C19orf38: variants seen among roughly 807,000 people sequenced by gnomAD.
The protein encoded by C19orf38 is chromosome 19 open reading frame 38.
Under a neutral mutation model 26.6 loss-of-function variants are expected in C19orf38, and 14 were observed. That is an observed-to-expected ratio of 0.53 (90% CI 0.35 to 0.82). The LOEUF (loss-of-function observed/expected upper bound fraction) is 0.82. Ranked by LOEUF, C19orf38 falls within the 40% of genes least tolerant of loss-of-function variation. The pLI is 0.01. For synonymous variants in C19orf38, 132 were observed against 128.5 expected, an observed-to-expected ratio of 1.03 and a Z score of -0.18; for missense variants, 261 against 299.5, an observed-to-expected ratio of 0.87 and a Z score of 0.95.
upstream of C19orf38, among the ~76,000 whole-genome samples, chr19:10,847,201 T>C (rs2073524948): frequency 6.6e-6 from 1 of 152,124 alleles, no homozygotes; most frequent in African/African-American, 2.4e-5. Flanking sequence ...TCCTGTGAAC[T>C]ATATCACAAA....
upstream of C19orf38, among the ~76,000 whole-genome samples, chr19:10,845,873 C>T (rs1247394574): frequency 6.7e-5 from 9 of 135,292 alleles, no homozygotes; most frequent in East Asian, 4.3e-4. Context: ...AGCAAGACTC[C>T]GTCAAAAAAA....
intron 4 of C19orf38, among the ~76,000 whole-genome samples, chr19:10,859,344 G>A (rs1360797333): frequency 1.0e-4 from 5 of 48,490 alleles, no homozygotes; most frequent in Non-Finnish European, 1.4e-4. Context: ...GTGTGTGTGT[G>A]TGTGTATATA....
rs1433358051 is a variant in C19orf38 at position 10,857,366 on chromosome 19, A to ATATATATAT, written c.434-949_434-948insATATATATT. 2.2e-3 allele frequency among the ~76,000 whole-genome samples: 122 copies of ATATATATAT among 56,076 alleles called. 1 individual carries two copies. The highest frequency in any genetic ancestry group is 9.8e-3 in the African/African-American group (57 of 5,820). 36.8% of individuals were successfully genotyped at this position (56,076 alleles called of 152,430 possible). ...TATATATATATATATATATATATAT[A>ATATATATAT]TTTTTTTTTTTTTTTTTTTAAGATG... On this transcript the variant is annotated intron_variant, in intron 3 of 6. Transcript: ENST00000397820.
chr19:10,841,694 C>G, intron 1 of C19orf38: 1 of 606,954 alleles, frequency 1.6e-6, no homozygotes, highest in South Asian at 2.0e-5. Flanking sequence ...CTGTCAAAGC[C>G]AGGTGGAGTG....
intron 5 of C19orf38, among the ~76,000 whole-genome samples, chr19:10,862,367 G>A (rs897687780): frequency 6.6e-6 from 1 of 151,958 alleles, no homozygotes; most frequent in African/African-American, 2.4e-5. Context: ...ACCACACTCA[G>A]CTACTTTTTA....
upstream of C19orf38, among the ~76,000 whole-genome samples, chr19:10,846,840 C>T (rs150320146): frequency 5.8e-4 from 88 of 152,276 alleles, no homozygotes; most frequent in Admixed American, 3.1e-3. Context: ...GAGAATTTAG[C>T]TAGGGGATTG....
At chr19:10,857,671 A>G (rs1168916793) in intron 3 of C19orf38, among the ~76,000 whole-genome samples, 6 of 151,580 alleles carry the variant, frequency 4.0e-5, no homozygotes, top group African/African-American at 1.4e-4. Flanking sequence ...TCGCGAGGTC[A>G]GGAGTTTGAG....
Position 10,850,323 on chromosome 19 carries a change from C to T in C19orf38, c.96C>T (p.Asp32=), listed in dbSNP as rs1198118203. The change falls in exon 2 of 7, where the codon GAC becomes GAT. Residue 32 remains aspartate (D), a synonymous_variant. Transcript: ENST00000397820. ...CCCCGTACCCAAGCAGCCAAGAGGACCCCATCCACATCGCATGCATGGCCC... is the reference window on the plus strand; with the variant it reads ...CCCCGTACCCAAGCAGCCAAGAGGATCCCATCCACATCGCATGCATGGCCC... ...LVPPYPSSQE[D]PIHIACMAPG... The T allele has an allele frequency of 6.4e-7, 1 of 1,551,162 alleles. No individual in the cohort carries two copies. Among genetic ancestry groups the T allele is most frequent in the Non-Finnish European group, 8.7e-7 (1 of 1,146,944 alleles).
chr19:10,845,944 T>C (rs912389568), upstream of C19orf38, among the ~76,000 whole-genome samples: 2 of 151,006 alleles, frequency 1.3e-5, no homozygotes, highest in Non-Finnish European at 2.9e-5. Flanking sequence ...TTTGGGAGGC[T>C]GAGTCAGGAG....
At chr19:10,860,840 CAAAA>C (rs60601259) in intron 5 of C19orf38, among the ~76,000 whole-genome samples, 4 of 42,638 alleles carry the variant, frequency 9.4e-5, no homozygotes, top group Admixed American at 2.5e-4. Flanking sequence ...GACTCCATCT[CAAAA>C]AAAAAAAAAA....
intron 1 of C19orf38, 76 bp downstream of exon 1, chr19:10,848,615 A>G: frequency 7.4e-7 from 1 of 1,353,364 alleles, no homozygotes; most frequent in South Asian, 1.2e-5. Context: ...CTCCAGGGGC[A>G]GAAACCAGTG....
intron 1 of C19orf38, chr19:10,841,919 G>T: frequency 1.2e-6 from 2 of 1,604,500 alleles, no homozygotes; most frequent in East Asian, 4.5e-5. Flanking sequence ...TGCCAGTGTG[G>T]CAACTCCTAG....
At chr19:10,849,584 C>T (rs886275901) in intron 1 of C19orf38, among the ~76,000 whole-genome samples, 3 of 152,116 alleles carry the variant, frequency 2.0e-5, no homozygotes, top group African/African-American at 7.2e-5. Flanking sequence ...CCCGTCTCTA[C>T]TAAAAATATA....
rs1203824333 is a variant in C19orf38, at chr19:10,869,207, C to A, written c.544-11C>A. 6.4e-6 allele frequency: 10 copies of A among 1,551,626 alleles called. No homozygotes were observed. Among genetic ancestry groups the A allele is most frequent in the Non-Finnish European group, 8.7e-6 (10 of 1,146,934 alleles). ...TCACCCACTTCTGTGTTTCTTCTTA[C>A]ATGGACAAAGAAAACGATGCCAGAA... On this transcript the variant is annotated splice_polypyrimidine_tract_variant and intron_variant, in intron 6 of 6. Coordinates refer to ENST00000397820, the MANE Select transcript of C19orf38 (RefSeq NM_001136482.3).
intron 5 of C19orf38, among the ~76,000 whole-genome samples, chr19:10,861,670 C>T (rs548907599): frequency 2.6e-5 from 4 of 151,870 alleles, no homozygotes; most frequent in East Asian, 3.9e-4. Context: ...CTCTGCCTCC[C>T]GGGTTCAAGT....
chr19:10,837,492 A>ATTTTTTTTTCTTTTTTTTTTTTT, intron 1 of C19orf38, among the ~76,000 whole-genome samples: 1 of 81,960 alleles, frequency 1.2e-5, no homozygotes, highest in Non-Finnish European at 2.6e-5. Flanking sequence ...TTTTTTTTTA[A>ATTTTTTTTTCTTTTTTTTTTTTT]TTTTTTTTTC....
rs765357165 is a variant in C19orf38, at chr19:10,858,346, G to A, written c.461+3G>A. On this transcript the variant is annotated splice_donor_region_variant and intron_variant, in intron 4 of 6. Coordinates refer to ENST00000397820, the MANE Select transcript of C19orf38 (RefSeq NM_001136482.3). ...CTCAGAAATTTACAGAAGAAAAGGT[G>A]AGATCATCCCTGGAGACCCACAGAG... is the stretch of plus-strand genomic sequence containing the variant. 41 of 1,546,724 alleles carry A rather than the reference G, an allele frequency of 2.7e-5. No individual in the cohort carries two copies. The South Asian group carries it at 4.9e-4, about 18-fold the overall frequency.
upstream of C19orf38, among the ~76,000 whole-genome samples, chr19:10,843,452 C>T (rs1459034684): frequency 2.6e-5 from 4 of 152,236 alleles, no homozygotes; most frequent in African/African-American, 7.2e-5. Flanking sequence ...TGAGCCCCCT[C>T]GGCCACTGCC....
intron 3 of C19orf38, among the ~76,000 whole-genome samples, chr19:10,856,578 A>G (rs1023667546): frequency 6.6e-6 from 1 of 150,826 alleles, no homozygotes; most frequent in Non-Finnish European, 1.5e-5. Flanking sequence ...ATCTCGGCCC[A>G]CTGCAACCTC....
Sources: gnomAD v4.1 joint callset for allele counts (sites outside exome capture counted in the v4.1 genomes callset) on GRCh38, gnomAD v4.1.1 for gene constraint, MANE v1.5 for transcripts, NCBI Gene and HGNC (gene_info 2026-07-23, HGNC 2026-07-21) for gene names.